ZNF365: variants seen among roughly 807,000 people sequenced by gnomAD.
The protein encoded by ZNF365 is zinc finger protein 365.
In ZNF365, 22 loss-of-function variants were observed where a neutral mutation model predicts 35.0. That is an observed-to-expected ratio of 0.63 (90% CI 0.45 to 0.90). The LOEUF (loss-of-function observed/expected upper bound fraction) is 0.90. Ranked by LOEUF, ZNF365 falls within the 40% of genes least tolerant of loss-of-function variation. The pLI is 0.00. For missense variants in ZNF365, 448 were observed against 500.3 expected (o/e 0.90, Z 1.00); for synonymous variants, 188 against 196.2 (o/e 0.96, Z 0.35).
intron 3 of ZNF365, among the ~76,000 whole-genome samples, chr10:62,454,770 T>C (rs963132064): frequency 1.3e-5 from 2 of 152,212 alleles, no homozygotes; most frequent in Non-Finnish European, 2.9e-5. Flanking sequence ...ATTTCTGGGC[T>C]GGACACAGGA....
chr10:62,376,567 A>C lies in ZNF365; in HGVS notation c.374A>C (p.Tyr125Ser). 1 of 1,613,934 alleles carries C rather than the reference A, an allele frequency of 6.2e-7. No homozygotes were observed. The highest frequency in any genetic ancestry group is 1.1e-5 in the South Asian group (1 of 91,076). Residue 125 changes from tyrosine (Y) to serine (S), a missense_variant, in exon 2 of 5, where the codon TAT becomes TCT. By Grantham distance (144) the Tyr-to-Ser change is moderately radical (BLOSUM62 -2). Transcript: ENST00000395254. ...GTGGTGGCAGAGAGGCCTGTGTCCT[A>C]TGTGCAGACCTACACTGCCATGGAC... Reference protein sequence around the residue: ...FEVVAERPVSYVQTYTAMDLH... With the variant: ...FEVVAERPVSSVQTYTAMDLH...
chr10:62,477,020 C>A (rs1048491915), intron 4 of ZNF365, among the ~76,000 whole-genome samples: 3 of 152,188 alleles, frequency 2.0e-5, no homozygotes, highest in Non-Finnish European at 4.4e-5. Context: ...GTAGAAAATT[C>A]AGCATCTCGT....
chr10:62,468,123 A>C (rs187218566), intron 4 of ZNF365, among the ~76,000 whole-genome samples: 79 of 152,338 alleles, frequency 5.2e-4, no homozygotes, highest in Non-Finnish European at 1.1e-3. Flanking sequence ...AAATTCATTA[A>C]AAATAGCTTT....
chr10:62,422,831 T>C (rs551915929), intron 3 of ZNF365, among the ~76,000 whole-genome samples: 28 of 152,214 alleles, frequency 1.8e-4, no homozygotes, highest in Admixed American at 1.4e-3. Context: ...AAACTGCATA[T>C]GAGATGGAAA....
At position 62,376,656 on chromosome 10, in the gene ZNF365, G is replaced by A; in HGVS notation, c.463G>A (p.Ala155Thr). ...TGGACTGCCCACCTCAGACACCAAA[G>A]CTTCTTTCGAGGCACATGTCAGAGA... Reference protein sequence around the residue: ...GPGLPTSDTKASFEAHVREKF... With the variant: ...GPGLPTSDTKTSFEAHVREKF... The change falls in exon 2 of 5, where the codon GCT (alanine) becomes ACT (threonine). Residue 155 changes from alanine (A) to threonine (T), a missense_variant. By Grantham distance (58) the Ala-to-Thr change is moderately conservative. Transcript: ENST00000395254. The A allele has an allele frequency of 6.2e-7, 1 of 1,614,150 alleles. No individual in the cohort carries two copies.
intron 3 of ZNF365, among the ~76,000 whole-genome samples, chr10:62,389,427 A>T (rs1839586336): frequency 7.9e-6 from 1 of 126,526 alleles, no homozygotes; most frequent in South Asian, 3.0e-4. Context: ...TAGCAGATTT[A>T]AAAATAGTTT....
intron 3 of ZNF365, among the ~76,000 whole-genome samples, chr10:62,445,097 A>G (rs1840564393): frequency 6.6e-6 from 1 of 151,486 alleles, no homozygotes; most frequent in African/African-American, 2.4e-5. Context: ...CCTACAAAGG[A>G]CATGAACTCA....
chr10:62,444,193 G>A (rs1412079645), intron 3 of ZNF365, among the ~76,000 whole-genome samples: 1 of 152,114 alleles, frequency 6.6e-6, no homozygotes, highest in African/African-American at 2.4e-5. Context: ...TTCCCATCTT[G>A]TTCTGCTCCC....
intron 3 of ZNF365, among the ~76,000 whole-genome samples, chr10:62,428,448 C>A (rs143111233): frequency 1.3e-5 from 2 of 152,186 alleles, no homozygotes; most frequent in South Asian, 2.1e-4. Flanking sequence ...GGGCCTCCCC[C>A]TTCAGTTGGC....
At chr10:62,379,696 A>G (rs1839402668) in intron 2 of ZNF365, among the ~76,000 whole-genome samples, 1 of 152,128 alleles carries the variant, frequency 6.6e-6, no homozygotes, top group Admixed American at 6.5e-5. Flanking sequence ...CACCTGTCAC[A>G]CTGTTAATAC....
chr10:62,406,856 A>G (rs1474429078), downstream of ZNF365, among the ~76,000 whole-genome samples: 1 of 152,142 alleles, frequency 6.6e-6, no homozygotes, highest in African/African-American at 2.4e-5. Context: ...GTTGTATCCC[A>G]TTGTGAGAGA....
At chr10:62,480,259 G>C (rs1053425943) in exon 5 of ZNF365, 2 of 1,007,360 alleles carry the variant, frequency 2.0e-6, no homozygotes, top group Non-Finnish European at 2.4e-6. Flanking sequence ...GTACTCAGTT[G>C]TTAAATAAAA....
At position 62,464,378 on chromosome 10, in the gene ZNF365, A is replaced by G. The variant is rs530613990; in HGVS notation, c.981+4581A>G. Among the ~76,000 whole-genome samples the G allele has an allele frequency of 5.9e-5, 9 of 152,270 alleles. No individual in the cohort carries two copies. The South Asian group carries it at 8.3e-4, about 14-fold the overall frequency. ...CACGTAAGAGGATTGTAACTAAATC[A>G]TTTTCTCTGTAATTTGTCTCCATTG... On this transcript the variant is annotated intron_variant, in intron 4 of 4. Coordinates refer to the ZNF365 transcript ENST00000395255.
intron 3 of ZNF365, among the ~76,000 whole-genome samples, chr10:62,458,060 T>G (rs1840788888): frequency 6.6e-6 from 1 of 152,206 alleles, no homozygotes; most frequent in Non-Finnish European, 1.5e-5. Context: ...CTCTTGCTGC[T>G]CCATCTGTAT....
downstream of ZNF365, among the ~76,000 whole-genome samples, chr10:62,407,217 G>A (rs775854269): frequency 2.2e-4 from 34 of 152,316 alleles, no homozygotes; most frequent in Non-Finnish European, 4.0e-4. Context: ...GTCAGTGTTT[G>A]TTATGAGGTC....
chr10:62,453,219 G>A (rs1840710953), intron 3 of ZNF365, among the ~76,000 whole-genome samples: 3 of 151,948 alleles, frequency 2.0e-5, no homozygotes, highest in East Asian at 1.9e-4. Flanking sequence ...GGGCTTTTAG[G>A]GTATCCATCA....
chr10:62,463,783 T>C (rs368872146), intron 4 of ZNF365, among the ~76,000 whole-genome samples: 1 of 152,238 alleles, frequency 6.6e-6, no homozygotes, highest in African/African-American at 2.4e-5. Flanking sequence ...GAAAGCCCCT[T>C]TTCTAGCTCT....
chr10:62,383,686 T>C (rs1332237694), intron 2 of ZNF365, among the ~76,000 whole-genome samples: 1 of 152,258 alleles, frequency 6.6e-6, no homozygotes, highest in Non-Finnish European at 1.5e-5. Flanking sequence ...CTGCACATGC[T>C]TCTAGGGTGT....
downstream of ZNF365, among the ~76,000 whole-genome samples, chr10:62,406,061 A>G (rs1243370568): frequency 6.6e-6 from 1 of 152,164 alleles, no homozygotes; most frequent in Non-Finnish European, 1.5e-5. Context: ...GGGCAAGAGG[A>G]GTGGACACAC....
Sources: allele counts gnomAD v4.1 joint callset (sites outside exome capture counted in the v4.1 genomes callset), GRCh38; gene constraint gnomAD v4.1.1; transcripts MANE v1.5; gene names NCBI Gene and HGNC (gene_info 2026-07-23, HGNC 2026-07-21).